The following ROCK1 variants were observed in gnomAD, a reference collection of about 807,000 sequenced individuals.
ROCK1 encodes Rho associated coiled-coil containing protein kinase 1.
A neutral mutation model predicts 196.8 loss-of-function variants in ROCK1; 36 were observed. The observed-to-expected ratio is 0.18, with a 90% confidence interval of 0.14 to 0.24. The LOEUF is 0.24. Among genes scored for constraint, ROCK1 ranks in the 10% least tolerant of loss-of-function variants. The pLI is 1.00. For missense variants in ROCK1, 920 were observed against 1,562.0 expected (o/e 0.59, Z 6.93); for synonymous variants, 443 against 515.9 (o/e 0.86, Z 1.91).
In ROCK1 at chr18:21,042,263, C is replaced by G. The variant is rs747058444; in HGVS notation, c.821-28G>C. On this transcript the variant is annotated intron_variant, in intron 7 of 32. Coordinates refer to ENST00000399799, the MANE Select transcript of ROCK1 (RefSeq NM_005406.3). ...GAAAAATTGATAAAGAAAACAAAAG[C>G]AAAATGAAATACATTTTTAAAAAGT... 3.3e-6 allele frequency: 5 copies of G among 1,532,092 alleles called. No individual in the cohort carries two copies. In the East Asian group the frequency reaches 9.2e-5, roughly 28 times the overall value. The allele number at this position is 1,532,092 out of a possible 1,614,324, so 94.9% of individuals were successfully genotyped here.
intron 2 of ROCK1, among the ~76,000 whole-genome samples, chr18:21,062,399 C>T (rs115086484): frequency 0.017 from 2,612 of 152,116 alleles, 76 homozygotes; most frequent in African/African-American, 0.057. Context: ...TAGGTTGGTG[C>T]AAAAGCAATT....
At chr18:20,965,388 C>CATACATACATACATAT (rs1313094006) in intron 27 of ROCK1, among the ~76,000 whole-genome samples, 1 of 137,694 alleles carries the variant, frequency 7.3e-6, no homozygotes, top group East Asian at 2.1e-4. Context: ...CTGTTTCATA[C>CATACATACATACATAT]ATACATACAT....
At chr18:21,071,186 T>C (rs1598551831) in intron 1 of ROCK1, among the ~76,000 whole-genome samples, 1 of 149,074 alleles carries the variant, frequency 6.7e-6, no homozygotes, top group Non-Finnish European at 1.5e-5. Context: ...TTCTGCTTTT[T>C]TTTTTTTTTT....
At position 20,948,149 on chromosome 18, in the gene ROCK1, CAAG is replaced by C. The variant is rs1044868022; in HGVS notation, c.*3232_*3234del. 8.6e-5 allele frequency: 13 copies of C among 152,026 alleles called. No individual in the cohort carries two copies. Among genetic ancestry groups the C allele is most frequent in the African/African-American group, 2.9e-4 (12 of 41,362 alleles). 9.4% of individuals were successfully genotyped at this position (152,026 alleles called of 1,614,324 possible). A position where few individuals can be genotyped will look rare whatever the true frequency, so the allele number is the denominator to read the frequency against. ...AAAATTATATGGAAATGCAAAAGGC[CAAG>C]AATAGCCAAGCCAATTGGGAGGGAT... On this transcript the variant is annotated 3_prime_UTR_variant, in exon 33 of 33. Coordinates refer to ENST00000399799, the MANE Select transcript of ROCK1 (RefSeq NM_005406.3).
At chr18:21,082,446 AAGT>A (rs1358030536) in intron 1 of ROCK1, among the ~76,000 whole-genome samples, 1 of 152,220 alleles carries the variant, frequency 6.6e-6, no homozygotes, top group Non-Finnish European at 1.5e-5. Context: ...AAATAACAGC[AAGT>A]AGAATATAGC....
chr18:21,018,532 A>G (rs1361628059), intron 12 of ROCK1, among the ~76,000 whole-genome samples: 1 of 120,252 alleles, frequency 8.3e-6, no homozygotes, highest in Non-Finnish European at 1.7e-5. Context: ...TTTCGTCTCA[A>G]AAAAAAAAAA....
At chr18:21,044,753 C>G (rs1308675193) in intron 5 of ROCK1, among the ~76,000 whole-genome samples, 4 of 152,190 alleles carry the variant, frequency 2.6e-5, no homozygotes, top group Non-Finnish European at 5.9e-5. Context: ...TTTTACTTTT[C>G]AGAACACCAT....
At chr18:21,084,297 T>C (rs2036507642) in intron 1 of ROCK1, among the ~76,000 whole-genome samples, 1 of 151,990 alleles carries the variant, frequency 6.6e-6, no homozygotes, top group African/African-American at 2.4e-5. Flanking sequence ...TAAAAACTTT[T>C]GTGCATCAAA....
At position 20,951,383 on chromosome 18, in the gene ROCK1, G is replaced by C. The variant is rs925279691; in HGVS notation, c.*1C>G. 1.3e-6 allele frequency: 2 copies of C among 1,597,410 alleles called. No homozygotes were observed. The highest frequency in any genetic ancestry group is 3.5e-5 in the Admixed American group (2 of 57,888). On this transcript the variant is annotated 3_prime_UTR_variant, in exon 33 of 33. Transcript: ENST00000399799. ...ATTCCACAGGGCACTCAGTCACATG[G>C]TTAACTGTTGAGGGAGGGGGAAAAA...
At chr18:21,098,856 T>C (rs1448626395) in intron 1 of ROCK1, among the ~76,000 whole-genome samples, 2 of 152,008 alleles carry the variant, frequency 1.3e-5, no homozygotes, top group Non-Finnish European at 2.9e-5. Flanking sequence ...ATAGAAAAAA[T>C]AGAAAATAAA....
chr18:21,067,370 T>C lies in ROCK1; in HGVS notation c.175+3162A>G, dbSNP rs953647196. Among the ~76,000 whole-genome samples the C allele has an allele frequency of 7.2e-5, 11 of 151,876 alleles. No homozygotes were observed. The South Asian group carries it at 1.5e-3, about 20-fold the overall frequency. On this transcript the variant is annotated intron_variant, in intron 2 of 32. Transcript: ENST00000399799. ...TGCTAATGTTTTCCTATTTTGTAAG[T>C]TGTCTTTTCACTCTTTTTTTTTTTT...
intron 8 of ROCK1, among the ~76,000 whole-genome samples, chr18:21,041,636 C>CA (rs2036107941): frequency 6.6e-6 from 1 of 152,044 alleles, no homozygotes; most frequent in South Asian, 2.1e-4. Flanking sequence ...ACTATTGACT[C>CA]TTTCAACAAC....
At chr18:20,957,217 T>G (rs1052271804) in intron 29 of ROCK1, among the ~76,000 whole-genome samples, 4 of 152,272 alleles carry the variant, frequency 2.6e-5, no homozygotes, top group African/African-American at 9.6e-5. Context: ...CTCATAAGTC[T>G]TATTTACGAT....
chr18:21,006,871 T>G (rs1173625801), intron 14 of ROCK1, 81 bp from the exon 15 acceptor site: 2 of 1,048,886 alleles, frequency 1.9e-6, no homozygotes, highest in Non-Finnish European at 2.7e-6. Context: ...AAAAAAGACA[T>G]TTAGTCTTAG....
At chr18:21,106,491 T>C (rs1343909883) in intron 1 of ROCK1, among the ~76,000 whole-genome samples, 2 of 152,228 alleles carry the variant, frequency 1.3e-5, no homozygotes, top group Admixed American at 6.5e-5. Flanking sequence ...AAGCATTTTT[T>C]CCTCTGCAAA....
intron 2 of ROCK1, among the ~76,000 whole-genome samples, chr18:21,059,206 T>G (rs1490606568): frequency 6.6e-6 from 1 of 152,162 alleles, no homozygotes; most frequent in Non-Finnish European, 1.5e-5. Context: ...CCATACTGCT[T>G]CATCTCTCTG....
intron 11 of ROCK1, among the ~76,000 whole-genome samples, chr18:21,021,254 C>T (rs1439166592): frequency 6.6e-6 from 1 of 152,046 alleles, no homozygotes; most frequent in Non-Finnish European, 1.5e-5. Flanking sequence ...TTTGATATGC[C>T]TGAGAAGTAT....
chr18:21,051,470 A>G (rs2036203573), intron 2 of ROCK1, among the ~76,000 whole-genome samples: 1 of 152,084 alleles, frequency 6.6e-6, no homozygotes, highest in South Asian at 2.1e-4. Flanking sequence ...AGGAAAGAAC[A>G]AGTGAACAAT....
chr18:20,979,067 A>T (rs1454866224), intron 22 of ROCK1, among the ~76,000 whole-genome samples: 1 of 152,128 alleles, frequency 6.6e-6, no homozygotes, highest in Non-Finnish European at 1.5e-5. Context: ...TGAATTCTAA[A>T]ATGAAGCTGT....
Sources: gnomAD v4.1 joint callset for allele counts (sites outside exome capture counted in the v4.1 genomes callset) on GRCh38, gnomAD v4.1.1 for gene constraint, MANE v1.5 for transcripts, NCBI Gene and HGNC (gene_info 2026-07-23, HGNC 2026-07-21) for gene names.